Variants in CNTNAP3B observed in about 807,000 individuals in gnomAD.
CNTNAP3B encodes the protein contactin associated protein family member 3B.
Under a neutral mutation model 108.9 loss-of-function variants are expected in CNTNAP3B, and 25 were observed. The ratio of observed to expected loss-of-function variants is 0.23; its 90% CI spans 0.17 to 0.32. The LOEUF (loss-of-function observed/expected upper bound fraction) is 0.32, where lower values mean the gene tolerates loss of function less well. Among genes scored for constraint, CNTNAP3B ranks in the 10% least tolerant of loss-of-function variants. The pLI, the probability that CNTNAP3B is intolerant of heterozygous loss-of-function variation, is 1.00. For missense variants in CNTNAP3B, 252 were observed against 1,210.4 expected (o/e 0.21, Z 11.75); for synonymous variants, 103 against 473.4 (o/e 0.22, Z 10.16).
chr9:41,953,413 C>A, intron 12 of CNTNAP3B, 27 bp from the exon 13 acceptor site: 1 of 1,521,046 alleles, frequency 6.6e-7, no homozygotes, highest in Non-Finnish European at 8.9e-7. Context: ...AAAGGAGAGG[C>A]ATCACTGGGC....
intron 14 of CNTNAP3B, among the ~76,000 whole-genome samples, chr9:41,935,345 G>T (rs1480427831): frequency 6.6e-6 from 1 of 152,250 alleles, no homozygotes; most frequent in Non-Finnish European, 1.5e-5. Flanking sequence ...ACGGACATAT[G>T]CCTGAAGAGA....
rs886205415 is a variant in CNTNAP3B at position 42,125,675 on chromosome 9, T to TG, written c.85+3334_85+3335insC. Among the ~76,000 whole-genome samples, 19 of 133,282 alleles carry TG rather than the reference T, an allele frequency of 1.4e-4. 2 individuals carry two copies. The highest frequency in any genetic ancestry group is 7.4e-4 in the South Asian group (3 of 4,056). 87.4% of individuals were successfully genotyped at this position (133,282 alleles called of 152,430 possible). On this transcript the variant is annotated intron_variant, in intron 1 of 23. Transcript: ENST00000377561. ...TGAACTACATTTTTTGTTTTTTTTT[T>TG]TTTGTTTTTTTTTGAGACAGAGTCT...
chr9:41,979,899 T>TAA (rs1587171635), intron 9 of CNTNAP3B: 1 of 135,470 alleles, frequency 7.4e-6, no homozygotes, highest in East Asian at 2.5e-4. Context: ...TATATATATA[T>TAA]ATGTAATCTT....
At chr9:42,020,389 C>T (rs560275029) in intron 3 of CNTNAP3B, among the ~76,000 whole-genome samples, 1 of 151,844 alleles carries the variant, frequency 6.6e-6, no homozygotes, top group Non-Finnish European at 1.5e-5. Flanking sequence ...TTTTAGAAAG[C>T]AGGCAATTCA....
chr9:42,070,249 C>T (rs1208532783), intron 3 of CNTNAP3B, among the ~76,000 whole-genome samples: 2 of 151,260 alleles, frequency 1.3e-5, no homozygotes, highest in Admixed American at 6.6e-5. Flanking sequence ...GTTTAGTTTG[C>T]CTTACAAGGA....
rs570288020 is a variant in CNTNAP3B, at chr9:41,952,169, C to T, written c.2080+1014G>A. ...TATGGGTTAGTGGATCAGCGCAAACCACCTTCAGATGACAGTCATACACCA... is the reference window on the plus strand; with the variant it reads ...TATGGGTTAGTGGATCAGCGCAAACTACCTTCAGATGACAGTCATACACCA... On this transcript the variant is annotated intron_variant, in intron 13 of 23. Transcript: ENST00000377561. Among the ~76,000 whole-genome samples the T allele has an allele frequency of 1.1e-3, 165 of 152,302 alleles. No homozygotes were observed. In the East Asian group the frequency reaches 0.011, roughly 10 times the overall value.
intron 2 of CNTNAP3B, among the ~76,000 whole-genome samples, chr9:42,096,547 C>T (rs1827904161): frequency 7.5e-6 from 1 of 133,608 alleles, no homozygotes. Context: ...GGTCTGAGGG[C>T]ACTGGCGAAA....
intron 7 of CNTNAP3B, chr9:41,993,853 CATT>C (rs1825848268): frequency 8.2e-6 from 1 of 121,728 alleles, no homozygotes; most frequent in Non-Finnish European, 1.7e-5. Flanking sequence ...CCATAATTAA[CATT>C]ATATATCCAT....
In CNTNAP3B at chr9:42,119,384, C is replaced by A. The variant is rs1311223229; in HGVS notation, c.85+9626G>T. Among the ~76,000 whole-genome samples, 3 of 133,288 alleles carry A rather than the reference C, an allele frequency of 2.3e-5. 1 individual carries two copies. Among genetic ancestry groups the A allele is most frequent in the Non-Finnish European group, 3.2e-5 (2 of 63,294 alleles). 87.4% of individuals were successfully genotyped at this position (133,288 alleles called of 152,430 possible). On this transcript the variant is annotated intron_variant, in intron 1 of 23. Coordinates refer to ENST00000377561, the MANE Select transcript of CNTNAP3B (RefSeq NM_001201380.3). ...GCTCATGGGTAGGAAGAATCAGTAT[C>A]ATGAAAATGGCCATACTGCCCAAGG...
In CNTNAP3B at chr9:42,116,872, A is replaced by G. The variant is rs1488595307; in HGVS notation, c.86-12133T>C. On this transcript the variant is annotated intron_variant, in intron 1 of 23. Coordinates refer to ENST00000377561, the MANE Select transcript of CNTNAP3B (RefSeq NM_001201380.3). ...AAACAAAAAAAAAGCAGGGGTTGGA[A>G]TCCTAGTCTCTGATAAAACAGACTT... 1.4e-5 allele frequency among the ~76,000 whole-genome samples: 2 copies of G among 138,218 alleles called. 1 individual carries two copies. The highest frequency in any genetic ancestry group is 5.8e-5 in the African/African-American group (2 of 34,564). 90.7% of individuals were successfully genotyped at this position (138,218 alleles called of 152,430 possible). A position where few individuals can be genotyped will look rare whatever the true frequency, so the allele number is the denominator to read the frequency against.
At chr9:41,967,449 A>G (rs1177693148) in intron 10 of CNTNAP3B, among the ~76,000 whole-genome samples, 1 of 151,802 alleles carries the variant, frequency 6.6e-6, no homozygotes, top group Non-Finnish European at 1.5e-5. Context: ...TGGAACTGTG[A>G]ATCCATTAAG....
intron 2 of CNTNAP3B, among the ~76,000 whole-genome samples, chr9:42,089,637 A>G: frequency 6.8e-6 from 1 of 148,000 alleles, no homozygotes; most frequent in Non-Finnish European, 1.5e-5. Flanking sequence ...TTTGTATTAA[A>G]AATATTCAGT....
intron 3 of CNTNAP3B, among the ~76,000 whole-genome samples, chr9:42,072,424 ATT>A (rs1476440462): frequency 7.4e-6 from 1 of 134,802 alleles, no homozygotes; most frequent in Non-Finnish European, 1.6e-5. Flanking sequence ...TCTGTTGTTT[ATT>A]CTTTTGACCT....
Position 42,127,920 on chromosome 9 carries a change from C to T in CNTNAP3B, c.85+1090G>A, listed in dbSNP as rs556253282. The stretch of plus-strand genomic sequence containing the variant: ...CTTAGGAAAACTGCTGAAAGCTACC[C>T]TTGGTTATCCTGCAATAATCTAAAT... On this transcript the variant is annotated intron_variant, in intron 1 of 23. Transcript: ENST00000377561. Among the ~76,000 whole-genome samples, 40 of 139,638 alleles carry T rather than the reference C, an allele frequency of 2.9e-4. 7 individuals are homozygous for T. In the South Asian group the frequency reaches 8.7e-3, roughly 30 times the overall value. 91.6% of individuals were successfully genotyped at this position (139,638 alleles called of 152,430 possible). A position where few individuals can be genotyped will look rare whatever the true frequency, so the allele number is the denominator to read the frequency against.
chr9:42,112,697 T>C lies in CNTNAP3B; in HGVS notation c.86-7958A>G, dbSNP rs555424759. Among the ~76,000 whole-genome samples the C allele has an allele frequency of 3.7e-5, 5 of 136,782 alleles. 1 individual carries two copies. In the East Asian group the frequency reaches 1.1e-3, roughly 30 times the overall value. 89.7% of individuals were successfully genotyped at this position (136,782 alleles called of 152,430 possible). On this transcript the variant is annotated intron_variant, in intron 1 of 23. Coordinates refer to ENST00000377561, the MANE Select transcript of CNTNAP3B (RefSeq NM_001201380.3). ...TTGACTTGTTAAAGAAAACCTAGCATAGGAACATTGAATACCTCCTGACAT... is the reference window on the plus strand; with the variant it reads ...TTGACTTGTTAAAGAAAACCTAGCACAGGAACATTGAATACCTCCTGACAT...
At chr9:42,118,120 C>T (rs1828364421) in intron 1 of CNTNAP3B, among the ~76,000 whole-genome samples, 1 of 138,402 alleles carries the variant, frequency 7.2e-6, no homozygotes, top group South Asian at 2.4e-4. Context: ...GGTACCATTC[C>T]TTCTGAAACT....
At chr9:42,042,974 T>C (rs1355832696) in intron 3 of CNTNAP3B, among the ~76,000 whole-genome samples, 1 of 149,380 alleles carries the variant, frequency 6.7e-6, no homozygotes, top group Admixed American at 6.6e-5. Context: ...TGGGATTATA[T>C]TCTCAAATTC....
intron 2 of CNTNAP3B, among the ~76,000 whole-genome samples, chr9:42,102,996 T>C (rs1250896183): frequency 8.8e-6 from 1 of 113,162 alleles, no homozygotes; most frequent in Non-Finnish European, 1.8e-5. Context: ...GATATCATGC[T>C]TTTTTGCACG....
intron 2 of CNTNAP3B, among the ~76,000 whole-genome samples, chr9:42,086,162 A>G (rs1827698698): frequency 7.0e-6 from 1 of 142,002 alleles, no homozygotes; most frequent in Non-Finnish European, 1.5e-5. Context: ...GAGAATGATT[A>G]TCAAGCAAAA....
Sources: allele counts gnomAD v4.1 joint callset (sites outside exome capture counted in the v4.1 genomes callset), GRCh38; gene constraint gnomAD v4.1.1; transcripts MANE v1.5; gene names NCBI Gene and HGNC (gene_info 2026-07-23, HGNC 2026-07-21).